SYT17: variants seen among roughly 807,000 people sequenced by gnomAD.
SYT17 encodes the protein synaptotagmin 17.
SYT17 carries 22 observed loss-of-function variants against 46.7 expected under a neutral mutation model. The ratio of observed to expected loss-of-function variants is 0.47; its 90% CI spans 0.34 to 0.67. SYT17 has a LOEUF of 0.67. Ranked by LOEUF, SYT17 falls within the 30% of genes least tolerant of loss-of-function variation. The pLI, the probability that SYT17 is intolerant of heterozygous loss-of-function variation, is 0.01. For missense variants in SYT17, 519 were observed against 612.8 expected, an observed-to-expected ratio of 0.85 and a Z score of 1.62; for synonymous variants, 251 against 248.4, an observed-to-expected ratio of 1.01 and a Z score of -0.10.
intron 7 of SYT17, among the ~76,000 whole-genome samples, chr16:19,242,733 T>G (rs1332143397): frequency 6.6e-6 from 1 of 152,086 alleles, no homozygotes; most frequent in East Asian, 1.9e-4. Flanking sequence ...TTCGCCATGT[T>G]GCCCAGGCTG....
At chr16:19,178,952 C>T (rs766559298) in intron 3 of SYT17, among the ~76,000 whole-genome samples, 1 of 151,828 alleles carries the variant, frequency 6.6e-6, no homozygotes, top group Non-Finnish European at 1.5e-5. Context: ...CCCAGCTACT[C>T]AAGAGGCTGA....
At chr16:19,211,869 G>A (rs1331883797) in intron 5 of SYT17, among the ~76,000 whole-genome samples, 6 of 151,796 alleles carry the variant, frequency 4.0e-5, no homozygotes, top group South Asian at 2.1e-4. Context: ...CTCGTGATCC[G>A]CCCGCCTCAG....
rs1196125928 is a variant in SYT17 at position 19,252,518 on chromosome 16, C to CATAT, written c.1229-14354_1229-14351dup. ...ACATATATATATACATATATATATA[C>CATAT]ATATATATATACATATATATATTTT... On this transcript the variant is annotated intron_variant, in intron 7 of 7. Coordinates refer to ENST00000355377, the MANE Select transcript of SYT17 (RefSeq NM_016524.4). Among the ~76,000 whole-genome samples, 11 of 5,408 alleles carry CATAT rather than the reference C, an allele frequency of 2.0e-3. 4 individuals are homozygous for CATAT. Among genetic ancestry groups the CATAT allele is most frequent in the Admixed American group, 4.0e-3 (2 of 494 alleles). The allele number at this position is 5,408 out of a possible 152,430, so 3.5% of individuals were successfully genotyped here.
chr16:19,262,244 G>A (rs1278781111), intron 7 of SYT17, among the ~76,000 whole-genome samples: 1 of 152,204 alleles, frequency 6.6e-6, no homozygotes, highest in Non-Finnish European at 1.5e-5. Flanking sequence ...CCATGTGGGA[G>A]GTGATTAGAC....
At position 19,192,364 on chromosome 16, in the gene SYT17, T is replaced by C. The variant is rs573201538; in HGVS notation, c.951+8217T>C. On this transcript the variant is annotated intron_variant, in intron 5 of 7. Transcript: ENST00000355377. ...TGAATCCGGGAGACAGAGGCTGCAG[T>C]GAGCCAAGATCGCACCACTGCACTC... 2.9e-4 allele frequency among the ~76,000 whole-genome samples: 44 copies of C among 151,960 alleles called. No homozygotes were observed. In the East Asian group the frequency reaches 8.6e-3, roughly 30 times the overall value.
At chr16:19,225,820 G>T (rs1966479004) in intron 7 of SYT17, among the ~76,000 whole-genome samples, 1 of 152,224 alleles carries the variant, frequency 6.6e-6, no homozygotes, top group Non-Finnish European at 1.5e-5. Context: ...GGTCAAGTGA[G>T]GGAGCAAGAA....
intron 5 of SYT17, among the ~76,000 whole-genome samples, chr16:19,214,426 CTGGGCTCAA>C (rs1040815818): frequency 3.9e-5 from 6 of 152,008 alleles, no homozygotes; most frequent in Admixed American, 1.3e-4. Context: ...CTCCGAACTC[CTGGGCTCAA>C]TTGATCTTCC....
At chr16:19,192,020 G>A (rs1965041881) in intron 5 of SYT17, among the ~76,000 whole-genome samples, 1 of 152,154 alleles carries the variant, frequency 6.6e-6, no homozygotes, top group Admixed American at 6.5e-5. Context: ...TTCTGACCTC[G>A]TGATCTGCCC....
intron 7 of SYT17, among the ~76,000 whole-genome samples, chr16:19,260,464 C>T (rs1402669972): frequency 8.2e-6 from 1 of 121,844 alleles, no homozygotes; most frequent in Non-Finnish European, 1.6e-5. Context: ...GACCTGAGAT[C>T]ATGCCACTGC....
intron 5 of SYT17, among the ~76,000 whole-genome samples, chr16:19,209,946 A>C (rs1404156612): frequency 1.3e-5 from 2 of 152,176 alleles, no homozygotes; most frequent in Non-Finnish European, 2.9e-5. Context: ...TAGCAATAGG[A>C]AAATGGTTAA....
rs748406440 is a variant in SYT17 at position 19,172,760 on chromosome 16, T to C, written c.16T>C (p.Leu6=). Residue 6 remains leucine, a splice_region_variant and synonymous_variant, in exon 2 of 8, where the codon TTG becomes CTG. Transcript: ENST00000355377. ...TTCATCGTGGATCTTAAAAGGGCAG[T>C]TGGAACCATTAAACGAGGTGGGTTC... MAYIQ[L]EPLNEGFLSR... 4 of 1,613,976 alleles carry C rather than the reference T, an allele frequency of 2.5e-6. No homozygotes were observed. Among genetic ancestry groups the C allele is most frequent in the East Asian group, 2.2e-5 (1 of 44,888 alleles).
At position 19,173,523 on chromosome 16, in the gene SYT17, A is replaced by G; in HGVS notation, c.127A>G (p.Ser43Gly). The G allele has an allele frequency of 2.5e-6, 4 of 1,614,006 alleles. No individual in the cohort carries two copies. Among genetic ancestry groups the G allele is most frequent in the Non-Finnish European group, 3.4e-6 (4 of 1,180,002 alleles). The change falls in exon 3 of 8, where the codon AGT becomes GGT. Residue 43 changes from serine (S) to glycine (G), a missense_variant. Transcript: ENST00000355377. The part of the protein sequence containing the change: ...KCYESSCCQS[S>G]EDEVEILGPF... ...CTACGAGTCCAGCTGTTGCCAGTCAAGTGAGGATGAAGTTGAAATTCTGGG... is the reference window on the plus strand; with the variant it reads ...CTACGAGTCCAGCTGTTGCCAGTCAGGTGAGGATGAAGTTGAAATTCTGGG...
intron 7 of SYT17, among the ~76,000 whole-genome samples, chr16:19,266,405 G>C (rs762840369): frequency 6.6e-5 from 10 of 152,212 alleles, no homozygotes; most frequent in Non-Finnish European, 1.5e-5. Flanking sequence ...GGACAGTTAC[G>C]GCAAAGGATT....
rs1964655690 is a variant in SYT17 at position 19,183,748 on chromosome 16, G to T, written c.552G>T (p.Gln184His). 2 of 1,614,224 alleles carry T rather than the reference G, an allele frequency of 1.2e-6. No individual in the cohort carries two copies. The highest frequency in any genetic ancestry group is 1.7e-6 in the Non-Finnish European group (2 of 1,180,038). ...ACGAGGAGATCCTGTCCAAGTACCAGCTGGGCATGCTGCACTTCAGCACTC... is the reference window on the plus strand; with the variant it reads ...ACGAGGAGATCCTGTCCAAGTACCATCTGGGCATGCTGCACTTCAGCACTC... ...LTDEEILSKY[Q>H]LGMLHFSTQY... The change falls in exon 5 of 8, where the codon CAG becomes CAT. Residue 184 changes from glutamine to histidine, a missense_variant. By Grantham distance (24) the Gln-to-His change is conservative. Transcript: ENST00000355377. The surrounding 1 kb of genome is among the most constrained non-coding windows in gnomAD (Gnocchi z 5.6).
chr16:19,236,668 G>A (rs1268590773), intron 7 of SYT17, among the ~76,000 whole-genome samples: 2 of 152,200 alleles, frequency 1.3e-5, no homozygotes, highest in African/African-American at 4.8e-5. Context: ...GACGCATAGG[G>A]CAGAGTCCAG....
intron 7 of SYT17, among the ~76,000 whole-genome samples, chr16:19,257,826 T>C (rs971412356): frequency 3.9e-5 from 6 of 152,172 alleles, no homozygotes; most frequent in African/African-American, 1.4e-4. Flanking sequence ...CCCTGCACTG[T>C]GCTGTCAGAC....
At chr16:19,234,726 C>G (rs1183729482) in intron 7 of SYT17, among the ~76,000 whole-genome samples, 1 of 152,196 alleles carries the variant, frequency 6.6e-6, no homozygotes, top group African/African-American at 2.4e-5. Flanking sequence ...GTGTAGCAAT[C>G]ATTCTTTTTA....
chr16:19,224,964 T>A (rs1416175455), intron 7 of SYT17, 126 bp downstream of exon 7: 1 of 1,058,630 alleles, frequency 9.4e-7, no homozygotes, highest in Non-Finnish European at 1.4e-6. Flanking sequence ...ACTACCTGGG[T>A]TTGAACCCAC....
In SYT17 at chr16:19,168,933, A is replaced by G. The variant is rs1226818940; in HGVS notation, c.15+272A>G. On this transcript the variant is annotated intron_variant, in intron 1 of 7. Transcript: ENST00000355377. This position sits in a 1 kb window ranked among gnomAD's most constrained non-coding sequence, Gnocchi z 6.9. Reference sequence around the variant, plus strand: ...GGGGAGGGAATGGGGGGTGGGGCGGACTTTTCTTCTCCCCTGCCCCCTCCC... The same window carrying G: ...GGGGAGGGAATGGGGGGTGGGGCGGGCTTTTCTTCTCCCCTGCCCCCTCCC... 1.3e-5 allele frequency among the ~76,000 whole-genome samples: 2 copies of G among 150,596 alleles called. No homozygotes were observed. Among genetic ancestry groups the G allele is most frequent in the Non-Finnish European group, 3.0e-5 (2 of 67,428 alleles).
Sources: gnomAD v4.1 joint callset for allele counts (sites outside exome capture counted in the v4.1 genomes callset) on GRCh38, gnomAD v4.1.1 for gene constraint, Gnocchi (gnomAD v3.1) non-coding constraint, MANE v1.5 for transcripts, NCBI Gene and HGNC (gene_info 2026-07-23, HGNC 2026-07-21) for gene names.